Variants in LDLRAD3 observed in about 807,000 individuals in gnomAD.
LDLRAD3 encodes low-density lipoprotein receptor class A domain-containing protein 3.
Under a neutral mutation model 29.4 loss-of-function variants are expected in LDLRAD3, and 20 were observed. The ratio of observed to expected loss-of-function variants is 0.68; its 90% confidence interval spans 0.48 to 0.99. The LOEUF (loss-of-function observed/expected upper bound fraction) is 0.99, where lower values mean the gene tolerates loss of function less well. LDLRAD3 is among the 50% of genes least tolerant of loss of function. The probability of loss-of-function intolerance (pLI) is 0.00; values close to 1 mark genes in which losing one functional copy is unlikely to be tolerated. For missense variants in LDLRAD3, 420 were observed against 454.3 expected (o/e 0.92, Z 0.69); for synonymous variants, 157 against 192.7 (o/e 0.81, Z 1.53).
In LDLRAD3 at chr11:36,132,303, A is replaced by G. The variant is rs565473959; in HGVS notation, c.454+33842A>G. Among the ~76,000 whole-genome samples the G allele has an allele frequency of 2.6e-5, 4 of 152,300 alleles. No individual in the cohort carries two copies. The East Asian group carries it at 7.7e-4, about 29-fold the overall frequency. On this transcript the variant is annotated intron_variant, in intron 4 of 5. Coordinates refer to ENST00000315571, the MANE Select transcript of LDLRAD3 (RefSeq NM_174902.4). ...GTCTCTTGTTGGAAAATGTGTCTCA[A>G]TAACCCGTTTTTGTGTGAGAGAAGA...
intron 3 of LDLRAD3, among the ~76,000 whole-genome samples, chr11:36,097,501 C>G (rs145583278): frequency 1.9e-3 from 288 of 152,318 alleles, no homozygotes; most frequent in South Asian, 5.2e-3. Flanking sequence ...GCCCAGACCC[C>G]TCAGTGGCTG....
intron 1 of LDLRAD3, among the ~76,000 whole-genome samples, chr11:36,029,321 T>C (rs758850233): frequency 1.3e-5 from 2 of 152,150 alleles, no homozygotes; most frequent in Non-Finnish European, 2.9e-5. Context: ...AGATGTCAGG[T>C]CTTCCCTAGT....
At chr11:36,002,311 T>C (rs1352858054) in intron 1 of LDLRAD3, among the ~76,000 whole-genome samples, 1 of 152,200 alleles carries the variant, frequency 6.6e-6, no homozygotes, top group Non-Finnish European at 1.5e-5. Context: ...CCTCCAGAGT[T>C]GAATGGCTTG....
intron 4 of LDLRAD3, among the ~76,000 whole-genome samples, chr11:36,189,040 T>C (rs1050742831): frequency 6.6e-6 from 1 of 152,126 alleles, no homozygotes; most frequent in African/African-American, 2.4e-5. Context: ...CTTTCACTCA[T>C]TGAAATTGTA....
chr11:36,132,174 ATATTAAGC>A (rs1853936165), intron 4 of LDLRAD3, among the ~76,000 whole-genome samples: 1 of 152,148 alleles, frequency 6.6e-6, no homozygotes, highest in South Asian at 2.1e-4. Flanking sequence ...TATGAACACG[ATATTAAGC>A]TATTAAGCAT....
chr11:36,221,681 G>A (rs1211641727), intron 4 of LDLRAD3, among the ~76,000 whole-genome samples: 1 of 152,162 alleles, frequency 6.6e-6, no homozygotes, highest in Non-Finnish European at 1.5e-5. Context: ...GCCTGGGCAA[G>A]TCTTAAAGGA....
rs561552284 is a variant in LDLRAD3, at chr11:36,179,851, G to C, written c.455-47234G>C. 5.3e-5 allele frequency among the ~76,000 whole-genome samples: 8 copies of C among 151,916 alleles called. No homozygotes were observed. In the South Asian group the frequency reaches 1.5e-3, roughly 28 times the overall value. On this transcript the variant is annotated intron_variant, in intron 4 of 5. Transcript: ENST00000315571. ...TGTACAAAAAAATAAAAAATTAGCC[G>C]GACATGGTAGCCTGTGCTTGCCTGT...
intron 4 of LDLRAD3, among the ~76,000 whole-genome samples, chr11:36,210,247 G>A (rs1855265465): frequency 6.6e-6 from 1 of 152,064 alleles, no homozygotes. Context: ...GCCCTCCGTG[G>A]GATTCATCTT....
At chr11:35,966,519 G>A (rs1232185399) in intron 1 of LDLRAD3, among the ~76,000 whole-genome samples, 1 of 152,172 alleles carries the variant, frequency 6.6e-6, no homozygotes, top group Non-Finnish European at 1.5e-5. Flanking sequence ...TAGGAAACAA[G>A]GCCAAATTCT....
In LDLRAD3 at chr11:36,191,565, T is replaced by TCC. The variant is rs1854945501; in HGVS notation, c.455-35519_455-35518insCC. Among the ~76,000 whole-genome samples, 2 of 77,170 alleles carry TCC rather than the reference T, an allele frequency of 2.6e-5. 1 individual carries two copies. The highest frequency in any genetic ancestry group is 1.2e-4 in the African/African-American group (2 of 16,826). 50.6% of individuals were successfully genotyped at this position (77,170 alleles called of 152,430 possible). On this transcript the variant is annotated intron_variant, in intron 4 of 5. Coordinates refer to ENST00000315571, the MANE Select transcript of LDLRAD3 (RefSeq NM_174902.4). ...CTCTCTCTCTCTCTCTCTCTCTCTC[T>TCC]CTCTCTCTCTCTATATATATATATA...
chr11:36,074,000 T>G (rs1009440387), intron 2 of LDLRAD3, among the ~76,000 whole-genome samples: 12 of 152,202 alleles, frequency 7.9e-5, no homozygotes, highest in Non-Finnish European at 1.8e-4. Context: ...AATGTTTTTT[T>G]TGTGTGTGTG....
intron 4 of LDLRAD3, among the ~76,000 whole-genome samples, chr11:36,193,055 C>T (rs1205420661): frequency 6.6e-5 from 10 of 152,170 alleles, no homozygotes; most frequent in Non-Finnish European, 1.2e-4. Context: ...ATGCTTTTAG[C>T]ACCTATCATA....
intron 2 of LDLRAD3, among the ~76,000 whole-genome samples, chr11:36,041,597 A>G (rs1054770993): frequency 1.3e-5 from 2 of 152,176 alleles, no homozygotes; most frequent in South Asian, 2.1e-4. Flanking sequence ...CCTTGAAGAG[A>G]CTGTCCTTTG....
intron 4 of LDLRAD3, among the ~76,000 whole-genome samples, chr11:36,178,830 A>T (rs1854715784): frequency 6.6e-6 from 1 of 152,164 alleles, no homozygotes; most frequent in African/African-American, 2.4e-5. Context: ...CATAGCATGT[A>T]ATTTATACTG....
intron 3 of LDLRAD3, among the ~76,000 whole-genome samples, chr11:36,087,424 A>C (rs907585449): frequency 6.6e-6 from 1 of 152,238 alleles, no homozygotes; most frequent in Non-Finnish European, 1.5e-5. Flanking sequence ...CTTCAAGCCA[A>C]TTCCATCAGG....
chr11:36,094,837 C>T (rs1853335429), intron 3 of LDLRAD3, among the ~76,000 whole-genome samples: 1 of 152,148 alleles, frequency 6.6e-6, no homozygotes, highest in African/African-American at 2.4e-5. Flanking sequence ...ATGTCTGGCC[C>T]ATTTTAGTCA....
chr11:36,190,476 G>A (rs1400430026), intron 4 of LDLRAD3, among the ~76,000 whole-genome samples: 1 of 152,046 alleles, frequency 6.6e-6, no homozygotes, highest in Non-Finnish European at 1.5e-5. Flanking sequence ...TTCCAGCCTG[G>A]GCAACAGAGT....
chr11:36,153,862 G>A (rs938605584), intron 4 of LDLRAD3, among the ~76,000 whole-genome samples: 7 of 152,118 alleles, frequency 4.6e-5, no homozygotes, highest in Admixed American at 4.6e-4. Context: ...TCATGTGCAA[G>A]TGTCATCGAT....
At chr11:36,149,846 G>C (rs1461774529) in intron 4 of LDLRAD3, among the ~76,000 whole-genome samples, 2 of 152,140 alleles carry the variant, frequency 1.3e-5, no homozygotes, top group Non-Finnish European at 2.9e-5. Context: ...CATGACTCAT[G>C]AATGTGTTCC....
Sources: gnomAD v4.1 joint callset for allele counts (sites outside exome capture counted in the v4.1 genomes callset) on GRCh38, gnomAD v4.1.1 for gene constraint, MANE v1.5 for transcripts, NCBI Gene and HGNC (gene_info 2026-07-23, HGNC 2026-07-21) for gene names.